Variants in FDFT1 observed in about 807,000 individuals in gnomAD.
FDFT1 encodes squalene synthase.
A neutral mutation model predicts 46.8 loss-of-function variants in FDFT1; 68 were observed. That is an observed-to-expected ratio of 1.45 (90% CI 1.19 to 1.78). FDFT1 has a LOEUF of 1.78. Ranked by LOEUF, FDFT1 falls within the 40% of genes most tolerant of loss-of-function variation. FDFT1 has a pLI of 0.00. For synonymous variants in FDFT1, 351 were observed against 185.1 expected (o/e 1.90, Z -7.28); for missense variants, 928 against 524.4 (o/e 1.77, Z -7.52).
At chr8:11,803,255 G>A (rs2280922) in intron 1 of FDFT1, 1 of 1,358,600 alleles carries the variant, frequency 7.4e-7, no homozygotes. Context: ...ACACATCTGA[G>A]GCAATGTGGG....
chr8:11,819,995 G>A (rs945053318), intron 3 of FDFT1, among the ~76,000 whole-genome samples: 1 of 152,050 alleles, frequency 6.6e-6, no homozygotes, highest in African/African-American at 2.4e-5. Context: ...ATCTACCTTT[G>A]GTCTTTGATT....
intron 1 of FDFT1, chr8:11,803,696 T>G (rs996280194): frequency 3.6e-6 from 1 of 280,670 alleles, no homozygotes; most frequent in East Asian, 1.1e-4. Context: ...TTTCTGTAAC[T>G]TTTTTGGGCC....
intron 7 of FDFT1, among the ~76,000 whole-genome samples, chr8:11,836,843 C>G (rs1346135891): frequency 6.6e-6 from 1 of 152,206 alleles, no homozygotes; most frequent in Non-Finnish European, 1.5e-5. Context: ...TGAGACCAGC[C>G]TGACCAACAC....
chr8:11,798,358 C>T (rs2130623915), upstream of FDFT1, among the ~76,000 whole-genome samples: 1 of 152,270 alleles, frequency 6.6e-6, no homozygotes, highest in East Asian at 1.9e-4. Context: ...CTGCACCCAG[C>T]CCAGTGTGTG....
intron 1 of FDFT1, among the ~76,000 whole-genome samples, chr8:11,796,605 C>T (rs1261459318): frequency 6.6e-6 from 1 of 152,170 alleles, no homozygotes; most frequent in East Asian, 1.9e-4. Context: ...CAGCAGTGCT[C>T]TGATTGGAGG....
intron 3 of FDFT1, among the ~76,000 whole-genome samples, chr8:11,817,345 G>A (rs888328070): frequency 6.6e-6 from 1 of 152,044 alleles, no homozygotes; most frequent in African/African-American, 2.4e-5. Context: ...TTTATTGTTT[G>A]TCTGCCAGGC....
Position 11,831,653 on chromosome 8 carries a change from T to C in FDFT1, c.1015T>C (p.Tyr339His), listed in dbSNP as rs370878820. 7 of 1,613,732 alleles carry C rather than the reference T, an allele frequency of 4.3e-6. No individual in the cohort carries two copies. The African/African-American group carries it at 6.7e-5, about 15-fold the overall frequency. ...TATGCCAGCTGTCAAAGCCATCATA[T>C]ATCAGTATATGGAAGAGGTGGGTTT... ...TNMPAVKAII[Y>H]QYMEEIYHRI... Residue 339 changes from tyrosine (Y) to histidine (H), a missense_variant, in exon 7 of 8, where the codon TAT becomes CAT. Transcript: ENST00000220584.
chr8:11,812,457 G>C (rs536246280), intron 3 of FDFT1, among the ~76,000 whole-genome samples: 1 of 152,136 alleles, frequency 6.6e-6, no homozygotes, highest in African/African-American at 2.4e-5. Flanking sequence ...TGGAGAGAGC[G>C]GGATTCAGGA....
chr8:11,826,806 C>T (rs916720845), intron 5 of FDFT1, among the ~76,000 whole-genome samples: 1 of 152,192 alleles, frequency 6.6e-6, no homozygotes, highest in African/African-American at 2.4e-5. Context: ...CAGAGTGAGA[C>T]TCCCTCTCAA....
chr8:11,804,459 G>A (rs1464012382), intron 1 of FDFT1, among the ~76,000 whole-genome samples: 1 of 151,980 alleles, frequency 6.6e-6, no homozygotes, highest in Non-Finnish European at 1.5e-5. Flanking sequence ...ATAATATGGT[G>A]CAGTATTTGT....
intron 4 of FDFT1, among the ~76,000 whole-genome samples, 190 bp from the exon 5 acceptor site, chr8:11,825,834 C>A (rs1194218810): frequency 1.3e-5 from 2 of 152,148 alleles, no homozygotes; most frequent in African/African-American, 2.4e-5. Context: ...CCAGAGACTG[C>A]TATGAAATGT....
chr8:11,822,101 G>A (rs991617624), intron 4 of FDFT1, among the ~76,000 whole-genome samples: 1 of 152,208 alleles, frequency 6.6e-6, no homozygotes, highest in Non-Finnish European at 1.5e-5. Context: ...GGGTACTGGA[G>A]AGAAGTGCTT....
At chr8:11,807,494 A>G (rs1344876497) in intron 1 of FDFT1, among the ~76,000 whole-genome samples, 1 of 152,062 alleles carries the variant, frequency 6.6e-6, no homozygotes, top group Non-Finnish European at 1.5e-5. Context: ...TCTCTCCCAA[A>G]AAGAACTGTT....
At chr8:11,813,177 G>T (rs1451544272) in intron 3 of FDFT1, among the ~76,000 whole-genome samples, 1 of 152,154 alleles carries the variant, frequency 6.6e-6, no homozygotes, top group Non-Finnish European at 1.5e-5. Flanking sequence ...GCCCACCATT[G>T]TATTTCCAGT....
At chr8:11,808,935 CCGGGA>C in intron 2 of FDFT1, 44 bp downstream of exon 2, 1 of 1,596,662 alleles carries the variant, frequency 6.3e-7, no homozygotes, top group Non-Finnish European at 8.5e-7. Flanking sequence ...GAAAGCTTGT[CCGGGA>C]CCTTTGAGTG....
At chr8:11,831,874 T>G in intron 7 of FDFT1, 1 of 513,090 alleles carries the variant, frequency 1.9e-6, no homozygotes, top group Non-Finnish European at 3.5e-6. Flanking sequence ...AGTACCCTGG[T>G]GAGAGGAGAT....
chr8:11,819,237 C>G (rs1275440751), intron 3 of FDFT1, among the ~76,000 whole-genome samples: 1 of 152,204 alleles, frequency 6.6e-6, no homozygotes, highest in Non-Finnish European at 1.5e-5. Context: ...TGATGGGCTT[C>G]CCTTTGTGGG....
At chr8:11,818,606 C>T (rs1258228522) in intron 3 of FDFT1, among the ~76,000 whole-genome samples, 1 of 152,042 alleles carries the variant, frequency 6.6e-6, no homozygotes, top group African/African-American at 2.4e-5. Context: ...ATCCCTTTAC[C>T]ATTATGTAGT....
At chr8:11,831,279 G>C (rs1810742168) in intron 6 of FDFT1, among the ~76,000 whole-genome samples, 1 of 152,156 alleles carries the variant, frequency 6.6e-6, no homozygotes, top group African/African-American at 2.4e-5. Context: ...AACTTTTGTG[G>C]CTACATTATA....
Sources: allele counts gnomAD v4.1 joint callset (sites outside exome capture counted in the v4.1 genomes callset), GRCh38; gene constraint gnomAD v4.1.1; transcripts MANE v1.5; gene names NCBI Gene and HGNC (gene_info 2026-07-23, HGNC 2026-07-21).